SYNDIG1: variants seen among roughly 807,000 people sequenced by gnomAD.
SYNDIG1 encodes synapse differentiation-inducing gene protein 1.
A neutral mutation model predicts 19.4 loss-of-function variants in SYNDIG1; 9 were observed. The ratio of observed to expected loss-of-function variants is 0.46; its 90% CI spans 0.28 to 0.81. The LOEUF (loss-of-function observed/expected upper bound fraction) is 0.81, where lower values mean the gene tolerates loss of function less well. SYNDIG1 is among the 30% of genes least tolerant of loss of function. SYNDIG1 has a pLI of 0.12. For synonymous variants in SYNDIG1, 141 were observed against 145.9 expected (o/e 0.97, Z 0.24); for missense variants, 311 against 343.3 (o/e 0.91, Z 0.74).
chr20:24,493,308 A>C (rs1459470449), intron 1 of SYNDIG1, among the ~76,000 whole-genome samples: 1 of 152,210 alleles, frequency 6.6e-6, no homozygotes, highest in Admixed American at 6.5e-5. Flanking sequence ...ATCCACATGC[A>C]TGGGCACACA....
At chr20:24,510,236 C>A (rs762163624) in intron 1 of SYNDIG1, among the ~76,000 whole-genome samples, 2 of 152,062 alleles carry the variant, frequency 1.3e-5, no homozygotes, top group Admixed American at 1.3e-4. Flanking sequence ...GTTGAGAAAC[C>A]TACTCTTGGT....
chr20:24,487,375 T>C (rs1394860635), intron 1 of SYNDIG1, among the ~76,000 whole-genome samples: 4 of 152,142 alleles, frequency 2.6e-5, no homozygotes, highest in Non-Finnish European at 4.4e-5. Context: ...TGATGAGTGT[T>C]ACAAAAGACA....
chr20:24,510,072 C>T (rs1005999753), intron 1 of SYNDIG1, among the ~76,000 whole-genome samples: 4 of 152,184 alleles, frequency 2.6e-5, no homozygotes, highest in Admixed American at 2.0e-4. Context: ...TTGGAAGCTT[C>T]CTGAGTCCTC....
intron 3 of SYNDIG1, among the ~76,000 whole-genome samples, chr20:24,648,877 G>A (rs551585727): frequency 6.6e-6 from 1 of 152,196 alleles, no homozygotes; most frequent in Non-Finnish European, 1.5e-5. Context: ...TTACCAGCAT[G>A]CTGCTTGAAT....
intron 2 of SYNDIG1, among the ~76,000 whole-genome samples, chr20:24,566,428 A>AAATAAATGAAACTATCAGAG: frequency 6.6e-6 from 1 of 152,270 alleles, no homozygotes; most frequent in Non-Finnish European, 1.5e-5. Context: ...ACTATCAGAG[A>AAATAAATGAAACTATCAGAG]AATAAATGAA....
intron 3 of SYNDIG1, among the ~76,000 whole-genome samples, chr20:24,665,027 C>T (rs2059635318): frequency 6.6e-6 from 1 of 152,212 alleles, no homozygotes; most frequent in Admixed American, 6.5e-5. Context: ...CCTCAGTACT[C>T]GTGCTGGAGA....
intron 1 of SYNDIG1, among the ~76,000 whole-genome samples, chr20:24,470,347 G>A (rs1249770768): frequency 6.6e-6 from 1 of 152,214 alleles, no homozygotes; most frequent in Non-Finnish European, 1.5e-5. Flanking sequence ...TTGGGATGGG[G>A]AATCCCGACG....
At chr20:24,644,791 C>G (rs1225757123) in intron 3 of SYNDIG1, among the ~76,000 whole-genome samples, 1 of 152,222 alleles carries the variant, frequency 6.6e-6, no homozygotes, top group East Asian at 1.9e-4. Flanking sequence ...TTCATAAGCA[C>G]CCAGTGGTGG....
At chr20:24,589,434 T>C (rs1284444775) in intron 3 of SYNDIG1, among the ~76,000 whole-genome samples, 3 of 152,180 alleles carry the variant, frequency 2.0e-5, no homozygotes, top group African/African-American at 4.8e-5. Context: ...AGAACCACAG[T>C]CCTTGCTTCT....
chr20:24,521,141 A>C (rs1191794366), intron 1 of SYNDIG1, among the ~76,000 whole-genome samples: 1 of 152,220 alleles, frequency 6.6e-6, no homozygotes, highest in Non-Finnish European at 1.5e-5. Flanking sequence ...AACACTGAGG[A>C]AAATTTGCTT....
chr20:24,547,951 C>A (rs956164279), intron 2 of SYNDIG1, among the ~76,000 whole-genome samples: 1 of 152,166 alleles, frequency 6.6e-6, no homozygotes, highest in African/African-American at 2.4e-5. Context: ...CCTCTCAGAC[C>A]TGAAGTACAT....
At position 24,488,546 on chromosome 20, in the gene SYNDIG1, G is replaced by A. The variant is rs1005528997; in HGVS notation, c.-79+18793G>A. Reference sequence around the variant, plus strand: ...GCTTCAAGCCCTTCTGCAGGCTCCAGGCACAAACTGATGAAGGACAGAATT... The same window carrying A: ...GCTTCAAGCCCTTCTGCAGGCTCCAAGCACAAACTGATGAAGGACAGAATT... On this transcript the variant is annotated intron_variant, in intron 1 of 3. Transcript: ENST00000376862. Among the ~76,000 whole-genome samples the A allele has an allele frequency of 9.9e-5, 15 of 152,252 alleles. 1 individual carries two copies. The highest frequency in any genetic ancestry group is 3.4e-4 in the African/African-American group (14 of 41,468).
chr20:24,584,852 G>A lies in SYNDIG1; in HGVS notation c.481-4G>A, dbSNP rs762053239. 2 of 1,614,048 alleles carry A rather than the reference G, an allele frequency of 1.2e-6. No individual in the cohort carries two copies. Among genetic ancestry groups the A allele is most frequent in the South Asian group, 2.2e-5 (2 of 91,072 alleles). On this transcript the variant is annotated splice_polypyrimidine_tract_variant and splice_region_variant and intron_variant, in intron 2 of 3. Transcript: ENST00000376862. The stretch of plus-strand genomic sequence containing the variant: ...TGTCCTGTCCTGCTGGTTCTCTCTT[G>A]CAGAGCGACTACTCAAGCGACACAG...
At chr20:24,608,558 A>G (rs1443830168) in intron 3 of SYNDIG1, among the ~76,000 whole-genome samples, 1 of 152,210 alleles carries the variant, frequency 6.6e-6, no homozygotes, top group Non-Finnish European at 1.5e-5. Flanking sequence ...CCCCGTGTCC[A>G]GACCTCTGTA....
intron 2 of SYNDIG1, among the ~76,000 whole-genome samples, chr20:24,545,449 G>A (rs537231802): frequency 5.3e-5 from 8 of 152,050 alleles, no homozygotes; most frequent in East Asian, 1.9e-4. Context: ...TGCCCGACTC[G>A]CATGGAGTGG....
chr20:24,597,660 G>C (rs1212030171), intron 3 of SYNDIG1, among the ~76,000 whole-genome samples: 2 of 152,132 alleles, frequency 1.3e-5, no homozygotes, highest in Non-Finnish European at 2.9e-5. Context: ...AGAACCTGCA[G>C]CAAGGTTAGA....
Position 24,665,511 on chromosome 20 carries a change from T to C in SYNDIG1, c.*7T>C. On this transcript the variant is annotated 3_prime_UTR_variant, in exon 4 of 4. Coordinates refer to ENST00000376862, the MANE Select transcript of SYNDIG1 (RefSeq NM_024893.3). ...CAAGAACAACCACCTGTGAGCTTCCTGCGAATGGAGGGGGAGCACCCGGGG... is the reference window on the plus strand; with the variant it reads ...CAAGAACAACCACCTGTGAGCTTCCCGCGAATGGAGGGGGAGCACCCGGGG... The C allele has an allele frequency of 6.2e-7, 1 of 1,613,804 alleles. No individual in the cohort carries two copies.
intron 1 of SYNDIG1, chr20:24,491,728 C>CT (rs1404496441): frequency 6.6e-6 from 1 of 152,240 alleles, no homozygotes; most frequent in African/African-American, 2.4e-5. Flanking sequence ...CTTGACAGCA[C>CT]TTTGGAGTAT....
chr20:24,628,015 T>C (rs2059180337), intron 3 of SYNDIG1, among the ~76,000 whole-genome samples: 1 of 152,198 alleles, frequency 6.6e-6, no homozygotes, highest in Admixed American at 6.5e-5. Context: ...TGTTAAATCA[T>C]CTTTGATTGT....
Sources: gnomAD v4.1 joint callset for allele counts (sites outside exome capture counted in the v4.1 genomes callset) on GRCh38, gnomAD v4.1.1 for gene constraint, MANE v1.5 for transcripts, NCBI Gene and HGNC (gene_info 2026-07-23, HGNC 2026-07-21) for gene names.